The following ANKRD44 variants were observed in gnomAD, a reference collection of about 807,000 sequenced individuals.
The protein encoded by ANKRD44 is serine/threonine-protein phosphatase 6 regulatory ankyrin repeat subunit B.
In ANKRD44, 35 loss-of-function variants were observed where a neutral mutation model predicts 116.0. The observed-to-expected ratio is 0.30, with a 90% CI of 0.23 to 0.40. The LOEUF is 0.40. Ranked by LOEUF, ANKRD44 falls within the 10% of genes least tolerant of loss-of-function variation. The pLI is 1.00. For missense variants in ANKRD44, 1,014 were observed against 1,242.6 expected (o/e 0.82, Z 2.77); for synonymous variants, 435 against 461.8 (o/e 0.94, Z 0.74).
intron 10 of ANKRD44, among the ~76,000 whole-genome samples, chr2:197,099,200 C>T (rs1470474393): frequency 6.6e-6 from 1 of 152,184 alleles, no homozygotes; most frequent in African/African-American, 2.4e-5. Context: ...ACATTTGCCA[C>T]TTAAGTCTGT....
intron 21 of ANKRD44, among the ~76,000 whole-genome samples, chr2:196,978,129 G>A (rs2075773175): frequency 6.6e-6 from 1 of 152,154 alleles, no homozygotes; most frequent in Non-Finnish European, 1.5e-5. Context: ...AATGTTAGAG[G>A]GGGGCCTGGT....
Position 197,274,747 on chromosome 2 carries a change from T to C in ANKRD44, c.27+35831A>G, listed in dbSNP as rs963086360. Among the ~76,000 whole-genome samples, 8 of 152,140 alleles carry C rather than the reference T, an allele frequency of 5.3e-5. No homozygotes were observed. The East Asian group carries it at 1.5e-3, about 29-fold the overall frequency. ...AAGCCCTTTTTCAGTTTTAAGTACT[T>C]TAGGGTTTCTTTAATGGGACAAAGA... On this transcript the variant is annotated intron_variant, in intron 1 of 27. Transcript: ENST00000282272.
chr2:196,986,546 A>G (rs1282024721), downstream of ANKRD44: 1 of 269,288 alleles, frequency 3.7e-6, no homozygotes, highest in East Asian at 1.8e-4. Flanking sequence ...GAATCTGGAG[A>G]TACACTTTTA....
chr2:197,086,545 G>T lies in ANKRD44; in HGVS notation c.1316+135C>A, dbSNP rs901789761. The stretch of plus-strand genomic sequence containing the variant: ...TTTGTTGGCAACCTCTATGAGAAGG[G>T]ACTTCCTTCCGAGGAGGATGGAATC... On this transcript the variant is annotated intron_variant, in intron 13 of 27. Coordinates refer to ENST00000282272, the MANE Select transcript of ANKRD44 (RefSeq NM_001195144.2). 1.9e-5 allele frequency: 14 copies of T among 735,012 alleles called. No individual in the cohort carries two copies. In the African/African-American group the frequency reaches 2.0e-4, roughly 10 times the overall value. 45.5% of individuals were successfully genotyped at this position (735,012 alleles called of 1,614,324 possible).
At chr2:197,015,772 A>G (rs2076380394) in intron 17 of ANKRD44, 1 of 498,028 alleles carries the variant, frequency 2.0e-6, no homozygotes, top group African/African-American at 2.0e-5. Flanking sequence ...ACCAGGATAT[A>G]GAAACCAAGG....
intron 17 of ANKRD44, chr2:197,015,942 AAG>A (rs2076384195): frequency 1.9e-6 from 1 of 530,246 alleles, no homozygotes. Flanking sequence ...TTGGTGGAAG[AAG>A]CTCAGACAGT....
At chr2:197,072,705 G>A (rs1202513509) in intron 16 of ANKRD44, among the ~76,000 whole-genome samples, 2 of 152,162 alleles carry the variant, frequency 1.3e-5, no homozygotes, top group East Asian at 3.8e-4. Context: ...ATCCGCAAAT[G>A]TTTAAAGGAT....
chr2:197,148,750 CA>C (rs2079568298), intron 2 of ANKRD44, among the ~76,000 whole-genome samples: 1 of 151,998 alleles, frequency 6.6e-6, no homozygotes, highest in Admixed American at 6.5e-5. Context: ...ATTAAGTAGA[CA>C]AAAAGGAGTT....
chr2:197,223,487 C>A (rs569074200), intron 1 of ANKRD44, among the ~76,000 whole-genome samples: 1 of 152,210 alleles, frequency 6.6e-6, no homozygotes, highest in Non-Finnish European at 1.5e-5. Context: ...CTAGTTCATT[C>A]ATTTTCACCC....
intron 25 of ANKRD44, among the ~76,000 whole-genome samples, chr2:196,997,397 C>A (rs2076031891): frequency 6.7e-6 from 1 of 148,806 alleles, no homozygotes; most frequent in Non-Finnish European, 1.5e-5. Context: ...TTTGTAAAAT[C>A]ATATATATGA....
Position 197,125,480 on chromosome 2 carries a change from C to T in ANKRD44, c.463-12G>A, listed in dbSNP as rs1007485272. 6.2e-7 allele frequency: 1 copy of T among 1,610,874 alleles called. No individual in the cohort carries two copies. The highest frequency in any genetic ancestry group is 1.3e-5 in the African/African-American group (1 of 74,842). On this transcript the variant is annotated splice_polypyrimidine_tract_variant and intron_variant, in intron 5 of 27. Coordinates refer to ENST00000282272, the MANE Select transcript of ANKRD44 (RefSeq NM_001195144.2). ...AGTAAATTGACCATCTGAAAGATAA[C>T]CAACAATGAAATCAAGCATACATTC...
In ANKRD44 at chr2:196,988,735, C is replaced by A. The variant is rs1240067757; in HGVS notation, c.*856G>T. 1 of 985,282 alleles carries A rather than the reference C, an allele frequency of 1.0e-6. No homozygotes were observed. Among genetic ancestry groups the A allele is most frequent in the African/African-American group, 1.7e-5 (1 of 57,228 alleles). The allele number at this position is 985,282 out of a possible 1,614,324, so 61.0% of individuals were successfully genotyped here. ...AGTACTGCTCTAATTCGACACATTT[C>A]TTTTCTGTCTCTTCCTCAAGTAGAA... On this transcript the variant is annotated 3_prime_UTR_variant, in exon 28 of 28. Transcript: ENST00000282272.
intron 16 of ANKRD44, among the ~76,000 whole-genome samples, chr2:197,068,203 GA>G (rs2077475780): frequency 1.0e-5 from 1 of 99,950 alleles, no homozygotes; most frequent in African/African-American, 3.9e-5. Context: ...ACACTCTGGG[GA>G]CTGTGGTGGG....
At chr2:197,175,037 A>G (rs1044545503) in intron 2 of ANKRD44, among the ~76,000 whole-genome samples, 3 of 152,214 alleles carry the variant, frequency 2.0e-5, no homozygotes, top group African/African-American at 7.2e-5. Context: ...ATTTATTCTT[A>G]GTGGTGGGCT....
intron 1 of ANKRD44, among the ~76,000 whole-genome samples, chr2:197,229,077 T>G (rs2081793805): frequency 1.3e-5 from 2 of 152,242 alleles, no homozygotes; most frequent in Non-Finnish European, 2.9e-5. Flanking sequence ...TGGAGTTATG[T>G]GCTGTGTCTG....
chr2:197,065,000 A>G (rs1240761040), intron 16 of ANKRD44, among the ~76,000 whole-genome samples: 3 of 152,168 alleles, frequency 2.0e-5, no homozygotes, highest in African/African-American at 4.8e-5. Flanking sequence ...CAGAATATAC[A>G]TTTTTCTCAG....
At position 197,125,997 on chromosome 2, in the gene ANKRD44, T is replaced by C; in HGVS notation, c.302A>G (p.Asn101Ser). ...QVLIKHSADV[N>S]ARDKNWQTPL... ...GGTCTGCCAGTTCTTGTCCCTTGCA[T>C]TGACATCAGCTGAGTGCTTAATCAA... The change falls in exon 5 of 28, where the codon AAT becomes AGT. Residue 101 changes from asparagine to serine, a missense_variant. Coordinates refer to ENST00000282272, the MANE Select transcript of ANKRD44 (RefSeq NM_001195144.2). 1 of 1,614,250 alleles carries C rather than the reference T, an allele frequency of 6.2e-7. No individual in the cohort carries two copies. The highest frequency in any genetic ancestry group is 8.5e-7 in the Non-Finnish European group (1 of 1,180,040).
At chr2:197,177,226 A>C (rs2080386796) in intron 2 of ANKRD44, among the ~76,000 whole-genome samples, 1 of 152,248 alleles carries the variant, frequency 6.6e-6, no homozygotes, top group African/African-American at 2.4e-5. Flanking sequence ...GAAATTGGAA[A>C]GTAAAAGGTA....
At chr2:197,052,422 T>C (rs1274578480) in intron 16 of ANKRD44, among the ~76,000 whole-genome samples, 3 of 152,166 alleles carry the variant, frequency 2.0e-5, no homozygotes, top group Admixed American at 1.3e-4. Context: ...TAGCCATTTT[T>C]AGATTTTAAT....
Sources: allele counts gnomAD v4.1 joint callset (sites outside exome capture counted in the v4.1 genomes callset), GRCh38; gene constraint gnomAD v4.1.1; transcripts MANE v1.5; gene names NCBI Gene and HGNC (gene_info 2026-07-23, HGNC 2026-07-21).